The following AAMDC variants were observed in gnomAD, a reference collection of about 807,000 sequenced individuals.
AAMDC encodes mth938 domain-containing protein.
Under a neutral mutation model 15.5 loss-of-function variants are expected in AAMDC, and 16 were observed. The observed-to-expected ratio is 1.03, with a 90% CI of 0.70 to 1.57. The LOEUF (loss-of-function observed/expected upper bound fraction) is 1.57, where lower values mean the gene tolerates loss of function less well. Among genes scored for constraint, AAMDC ranks in the 40% most tolerant of loss-of-function variants. AAMDC has a pLI of 0.00. For synonymous variants in AAMDC, 51 were observed against 51.6 expected (o/e 0.99, Z 0.05); for missense variants, 141 against 144.9 (o/e 0.97, Z 0.14).
chr11:77,877,057 C>T (rs1317262500), downstream of AAMDC: 15 of 702,750 alleles, frequency 2.1e-5, no homozygotes, highest in Middle Eastern at 2.3e-4. Context: ...CAGGTAAGCA[C>T]ACTAGAAAAG....
intron 5 of AAMDC, among the ~76,000 whole-genome samples, chr11:77,895,262 A>G (rs888259836): frequency 6.6e-6 from 1 of 152,130 alleles, no homozygotes; most frequent in African/African-American, 2.4e-5. Flanking sequence ...TTTCTTTAAT[A>G]TATTATTCAT....
chr11:77,889,301 A>T (rs1470145326), intron 5 of AAMDC, among the ~76,000 whole-genome samples: 2 of 151,976 alleles, frequency 1.3e-5, no homozygotes, highest in Non-Finnish European at 2.9e-5. Flanking sequence ...CAAGGACAAA[A>T]AACCAAACAC....
At position 77,883,075 on chromosome 11, in the gene AAMDC, A is replaced by AAATAATAATAAT. The variant is rs10687244; in HGVS notation, c.328+6040_328+6051dup. Among the ~76,000 whole-genome samples, 812 of 148,318 alleles carry AAATAATAATAAT rather than the reference A, an allele frequency of 5.5e-3. 8 individuals carry two copies. The highest frequency in any genetic ancestry group is 0.016 in the African/African-American group (658 of 40,188). On this transcript the variant is annotated intron_variant, in intron 5 of 5. Transcript: ENST00000304716. ...TGGGCAAGAGCAAGACTCCGTCTCA[A>AAATAATAATAAT]AATAATAATAATAATAATAATAATA...
intron 5 of AAMDC, among the ~76,000 whole-genome samples, chr11:77,881,863 G>A (rs947841): frequency 0.2 from 30,849 of 151,732 alleles, 3,197 homozygotes; most frequent in Middle Eastern, 0.24. Flanking sequence ...AATAGTGACT[G>A]GGTAGCGACC....
intron 1 of AAMDC, among the ~76,000 whole-genome samples, chr11:77,827,683 T>TA (rs1434487415): frequency 3.9e-5 from 6 of 152,180 alleles, no homozygotes; most frequent in Non-Finnish European, 7.4e-5. Context: ...TGCTGAAAAC[T>TA]AATTCCTCCC....
intron 5 of AAMDC, chr11:77,894,272 G>A (rs1952414032): frequency 2.2e-6 from 3 of 1,346,096 alleles, no homozygotes; most frequent in Non-Finnish European, 3.2e-6. Context: ...TAAGCCAGAA[G>A]AGTTATAAAA....
downstream of AAMDC, among the ~76,000 whole-genome samples, chr11:77,902,562 G>A (rs1380797288): frequency 6.6e-6 from 1 of 152,106 alleles, no homozygotes; most frequent in African/African-American, 2.4e-5. Context: ...ATTTAACCTT[G>A]CTGAGCCTTA....
chr11:77,878,466 G>C (rs1454808996), intron 5 of AAMDC, among the ~76,000 whole-genome samples: 1 of 152,078 alleles, frequency 6.6e-6, no homozygotes, highest in East Asian at 1.9e-4. Context: ...TTCTTAGCAA[G>C]GTTAACACAT....
At chr11:77,884,759 C>CT (rs771237448) in intron 5 of AAMDC, 951 of 379,672 alleles carry the variant, frequency 2.5e-3, no homozygotes, top group South Asian at 3.2e-3. Context: ...TTCTTTCTTT[C>CT]TTTTTTTTTC....
At chr11:77,870,329 ATTTTTTTTTT>A (rs965312288) in intron 3 of AAMDC, among the ~76,000 whole-genome samples, 5 of 87,984 alleles carry the variant, frequency 5.7e-5, no homozygotes, top group African/African-American at 2.5e-4. Flanking sequence ...CTATTTTTTA[ATTTTTTTTTT>A]TTTTTTTTTT....
intron 2 of AAMDC, among the ~76,000 whole-genome samples, chr11:77,855,762 C>T (rs1488389723): frequency 7.5e-6 from 1 of 132,816 alleles, no homozygotes; most frequent in African/African-American, 2.9e-5. Context: ...GCATAGGCTG[C>T]TAGAGGCAGC....
chr11:77,856,204 A>G, intron 2 of AAMDC, among the ~76,000 whole-genome samples: 1 of 152,242 alleles, frequency 6.6e-6, no homozygotes, highest in East Asian at 1.9e-4. Context: ...GCAGGGGCAC[A>G]ATGCCCCCAG....
At chr11:77,889,676 C>T (rs1952178004) in intron 5 of AAMDC, among the ~76,000 whole-genome samples, 1 of 152,150 alleles carries the variant, frequency 6.6e-6, no homozygotes, top group Non-Finnish European at 1.5e-5. Context: ...TGCTATATCT[C>T]TATTGAGCAC....
intron 2 of AAMDC, chr11:77,869,306 CTTTT>C (rs1358517135): frequency 4.4e-4 from 53 of 120,366 alleles, no homozygotes; most frequent in South Asian, 4.4e-4. Context: ...TTATTTATCT[CTTTT>C]TCTTTTTTTT....
chr11:77,830,208 A>ATATGT (rs1414554355), intron 1 of AAMDC: 1 of 152,246 alleles, frequency 6.6e-6, no homozygotes, highest in African/African-American at 2.4e-5. Flanking sequence ...TTCATCTAGA[A>ATATGT]TATGTTAAAA....
At chr11:77,828,396 G>A (rs372134921) in intron 1 of AAMDC, among the ~76,000 whole-genome samples, 21 of 152,014 alleles carry the variant, frequency 1.4e-4, no homozygotes, top group African/African-American at 4.1e-4. Context: ...AGCCGGGTGC[G>A]GTGGCTCACA....
chr11:77,900,069 T>A (rs1267073411), intron 5 of AAMDC, among the ~76,000 whole-genome samples: 1 of 152,054 alleles, frequency 6.6e-6, no homozygotes, highest in African/African-American at 2.4e-5. Flanking sequence ...ATAGTAGGGA[T>A]TAAACATTTG....
intron 2 of AAMDC, 29 bp from the exon 3 acceptor site, chr11:77,869,693 A>G (rs1164066465): frequency 6.9e-6 from 11 of 1,595,550 alleles, no homozygotes; most frequent in Non-Finnish European, 9.5e-6. Context: ...GAGAGCAGGT[A>G]CCTGTCTACT....
intron 2 of AAMDC, among the ~76,000 whole-genome samples, chr11:77,868,357 CTT>C (rs575872676): frequency 4.3e-5 from 5 of 116,760 alleles, no homozygotes; most frequent in African/African-American, 3.4e-5. Context: ...GCCCAGCCGC[CTT>C]TTTTTTTTTT....
Sources: allele counts gnomAD v4.1 joint callset (sites outside exome capture counted in the v4.1 genomes callset), GRCh38; gene constraint gnomAD v4.1.1; transcripts MANE v1.5; gene names NCBI Gene and HGNC (gene_info 2026-07-23, HGNC 2026-07-21).